Variants in RHBDD1 observed in about 807,000 individuals in gnomAD.
RHBDD1 encodes the protein rhomboid-related protein 4.
RHBDD1 carries 38 observed loss-of-function variants against 36.3 expected under a neutral mutation model. The ratio of observed to expected loss-of-function variants is 1.05; its 90% CI spans 0.81 to 1.37. The LOEUF (loss-of-function observed/expected upper bound fraction) is 1.37. RHBDD1 is among the 40% of genes most tolerant of loss of function. The pLI is 0.00. For missense variants in RHBDD1, 393 were observed against 377.6 expected (o/e 1.04, Z -0.34); for synonymous variants, 151 against 136.5 (o/e 1.11, Z -0.74).
chr2:226,981,239 A>T (rs906150546), intron 8 of RHBDD1, among the ~76,000 whole-genome samples: 1 of 152,146 alleles, frequency 6.6e-6, no homozygotes, highest in African/African-American at 2.4e-5. Context: ...TGGGGGAGGG[A>T]TAGCACTGGG....
intron 8 of RHBDD1, chr2:226,942,594 A>G (rs1289061206): frequency 1.6e-5 from 5 of 311,974 alleles, no homozygotes; most frequent in Non-Finnish European, 2.5e-5. Flanking sequence ...TGTGGCCACT[A>G]TTGATAATTC....
intron 5 of RHBDD1, among the ~76,000 whole-genome samples, chr2:226,894,354 C>T (rs1462047744): frequency 6.6e-6 from 1 of 152,206 alleles, no homozygotes; most frequent in African/African-American, 2.4e-5. Flanking sequence ...ACAGCAACTT[C>T]TGCCTCTTGG....
chr2:226,997,662 T>A lies in RHBDD1; in HGVS notation c.*2140T>A, dbSNP rs1271462057. 2 of 152,252 alleles carry A rather than the reference T, an allele frequency of 1.3e-5. No individual in the cohort carries two copies. The highest frequency in any genetic ancestry group is 2.9e-5 in the Non-Finnish European group (2 of 68,048). 9.4% of individuals were successfully genotyped at this position (152,252 alleles called of 1,614,324 possible). The stretch of plus-strand genomic sequence containing the variant: ...TTATATCACTTGAGTCCACTAGTAG[T>A]ACTTCCTTGCTCTGTTTGACTTGTC... On this transcript the variant is annotated 3_prime_UTR_variant, in exon 9 of 9. Transcript: ENST00000392062.
chr2:226,954,136 C>T (rs1265499351), intron 8 of RHBDD1, among the ~76,000 whole-genome samples: 2 of 152,182 alleles, frequency 1.3e-5, no homozygotes, highest in East Asian at 1.9e-4. Flanking sequence ...ACAGACGGCA[C>T]CCAAACCCTG....
intron 8 of RHBDD1, among the ~76,000 whole-genome samples, chr2:226,923,392 C>T (rs1213865076): frequency 2.0e-5 from 3 of 152,144 alleles, no homozygotes; most frequent in Admixed American, 6.6e-5. Flanking sequence ...GTCAGAACTA[C>T]TGGAACTCCA....
intron 5 of RHBDD1, 37 bp from the exon 6 acceptor site, chr2:226,906,756 A>C: frequency 6.2e-7 from 1 of 1,613,910 alleles, no homozygotes; most frequent in African/African-American, 1.3e-5. Flanking sequence ...AATCAGCAGC[A>C]GAACAAACAC....
intron 8 of RHBDD1, among the ~76,000 whole-genome samples, chr2:226,981,920 A>G (rs1955858760): frequency 6.6e-6 from 1 of 152,238 alleles, no homozygotes; most frequent in Non-Finnish European, 1.5e-5. Flanking sequence ...TACTCCAAAC[A>G]GATAAAGGTT....
chr2:226,914,332 A>G lies in RHBDD1; in HGVS notation c.837A>G (p.Gln279=). ...SEEEQLERAL[Q]ASLWDRGNTR... is the part of the protein sequence containing the mutation. ...AAGAACAGCTCGAGAGAGCATTACA[A>G]GCCAGCCTCTGGGACCGAGGTAGGA... Residue 279 remains glutamine, a synonymous_variant, in exon 8 of 9, where the codon CAA becomes CAG. Transcript: ENST00000392062. The G allele has an allele frequency of 2.5e-6, 4 of 1,613,390 alleles. No individual in the cohort carries two copies. Among genetic ancestry groups the G allele is most frequent in the Non-Finnish European group, 3.4e-6 (4 of 1,179,596 alleles).
At chr2:226,912,247 CTGCT>C (rs1317084002) in intron 7 of RHBDD1, among the ~76,000 whole-genome samples, 2 of 152,142 alleles carry the variant, frequency 1.3e-5, no homozygotes. Flanking sequence ...CCCACATACA[CTGCT>C]TGTAGGAATA....
intron 5 of RHBDD1, chr2:226,867,597 A>G: frequency 1.0e-6 from 1 of 985,420 alleles, no homozygotes; most frequent in Non-Finnish European, 1.2e-6. Flanking sequence ...GAGGATCAAT[A>G]TTAACCAGCC....
At chr2:226,865,182 C>A in intron 4 of RHBDD1, 56 bp downstream of exon 4, 1 of 1,336,444 alleles carries the variant, frequency 7.5e-7, no homozygotes, top group Non-Finnish European at 1.0e-6. Flanking sequence ...GGAGGTGTGG[C>A]TGCTGTCATT....
At chr2:226,887,515 A>G (rs1946331258) in intron 5 of RHBDD1, among the ~76,000 whole-genome samples, 1 of 152,240 alleles carries the variant, frequency 6.6e-6, no homozygotes. Flanking sequence ...TATACCAAGT[A>G]ATTTGAACTC....
At chr2:226,895,043 A>G (rs1946986648) in intron 5 of RHBDD1, among the ~76,000 whole-genome samples, 1 of 152,160 alleles carries the variant, frequency 6.6e-6, no homozygotes, top group Non-Finnish European at 1.5e-5. Flanking sequence ...GGCAGAAGGG[A>G]GAGAGAAGGC....
At chr2:226,875,489 G>A (rs1219732057) in intron 5 of RHBDD1, among the ~76,000 whole-genome samples, 1 of 151,948 alleles carries the variant, frequency 6.6e-6, no homozygotes. Flanking sequence ...CACTATTTCC[G>A]TACCCATCGA....
At chr2:226,961,101 TGAAG>T (rs1474919343) in intron 8 of RHBDD1, among the ~76,000 whole-genome samples, 5 of 152,212 alleles carry the variant, frequency 3.3e-5, no homozygotes, top group Non-Finnish European at 7.3e-5. Context: ...CAGTCTGTGA[TGAAG>T]GAAGCCCTTT....
At chr2:226,881,762 G>A (rs1292172819) in intron 5 of RHBDD1, among the ~76,000 whole-genome samples, 1 of 152,134 alleles carries the variant, frequency 6.6e-6, no homozygotes, top group Non-Finnish European at 1.5e-5. Context: ...AGTTTTTTGG[G>A]AGTTTGATAT....
chr2:226,873,302 C>T (rs1013562299), intron 5 of RHBDD1, among the ~76,000 whole-genome samples: 10 of 152,218 alleles, frequency 6.6e-5, no homozygotes, highest in African/African-American at 2.2e-4. Context: ...CTCAACTCAA[C>T]GTCCCTTTAG....
At chr2:226,972,943 A>AAAC (rs1461007448) in intron 8 of RHBDD1, among the ~76,000 whole-genome samples, 22 of 150,474 alleles carry the variant, frequency 1.5e-4, no homozygotes, top group African/African-American at 5.2e-4. Flanking sequence ...AAAAAAAAAA[A>AAAC]AACAAAAAAC....
chr2:226,811,609 G>T, the RHBDD1 span, among the ~76,000 whole-genome samples: 1 of 152,020 alleles, frequency 6.6e-6, no homozygotes, highest in Admixed American at 6.6e-5. Context: ...AGCCAATAGT[G>T]GAATTGTTGC....
Sources: allele counts gnomAD v4.1 joint callset (sites outside exome capture counted in the v4.1 genomes callset), GRCh38; gene constraint gnomAD v4.1.1; transcripts MANE v1.5; gene names NCBI Gene and HGNC (gene_info 2026-07-23, HGNC 2026-07-21).